The following RYR2 variants were observed in gnomAD, a reference collection of about 807,000 sequenced individuals.
The protein encoded by RYR2 is ryanodine receptor 2.
In RYR2, 227 loss-of-function variants were observed where a neutral mutation model predicts 601.1. The ratio of observed to expected loss-of-function variants is 0.38; its 90% confidence interval spans 0.34 to 0.42. The LOEUF is 0.42. Among genes scored for constraint, RYR2 ranks in the 10% least tolerant of loss-of-function variants. The pLI is 1.00. For synonymous variants in RYR2, 2,223 were observed against 2,175.1 expected (o/e 1.02, Z -0.61); for missense variants, 4,646 against 6,156.5 (o/e 0.75, Z 8.21).
chr1:237,406,210 T>TTCCCTCCCCTCCCC (rs1703880463), intron 10 of RYR2, among the ~76,000 whole-genome samples: 1 of 33,950 alleles, frequency 2.9e-5, no homozygotes, highest in African/African-American at 1.1e-4. Context: ...CTCCCCTCCC[T>TTCCCTCCCCTCCCC]TCCCCTCCCC....
rs1367265441 is a variant in RYR2 at position 237,628,956 on chromosome 1, G to T, written c.6440+876G>T. 3.3e-5 allele frequency among the ~76,000 whole-genome samples: 5 copies of T among 152,024 alleles called. No homozygotes were observed. In the East Asian group the frequency reaches 9.7e-4, roughly 29 times the overall value. Reference sequence around the variant, plus strand: ...ATGAGCTTGCATTTCATGTGGATTTGGGGGTTAAAGTTAACACCCCATATT... The same window carrying T: ...ATGAGCTTGCATTTCATGTGGATTTTGGGGTTAAAGTTAACACCCCATATT... On this transcript the variant is annotated intron_variant, in intron 41 of 104. Transcript: ENST00000366574.
intron 1 of RYR2, among the ~76,000 whole-genome samples, chr1:237,151,611 G>A (rs1258627422): frequency 6.6e-6 from 1 of 152,174 alleles, no homozygotes; most frequent in Non-Finnish European, 1.5e-5. Flanking sequence ...CATCTGCTGG[G>A]TGAGGATATA....
chr1:237,827,957 A>G (rs1481339078), intron 101 of RYR2, among the ~76,000 whole-genome samples: 5 of 144,004 alleles, frequency 3.5e-5, no homozygotes, highest in African/African-American at 1.4e-4. Context: ...AAAAAAAAAA[A>G]AAAAAAAAAG....
rs1402412018 is a variant in RYR2, at chr1:237,756,402, G to A, written c.11245+15G>A. On this transcript the variant is annotated intron_variant, in intron 81 of 104. Coordinates refer to ENST00000366574, the MANE Select transcript of RYR2 (RefSeq NM_001035.3). ...TGCCAGCAAAGGTAAGGTTCCTTGA[G>A]TTCCCCTCACGAGTGTCTGTTCTTC... 3 of 1,560,408 alleles carry A rather than the reference G, an allele frequency of 1.9e-6. No individual in the cohort carries two copies. The highest frequency in any genetic ancestry group is 2.6e-6 in the Non-Finnish European group (3 of 1,134,624).
At chr1:237,091,425 T>TTA (rs1389837810) in intron 1 of RYR2, among the ~76,000 whole-genome samples, 1 of 135,494 alleles carries the variant, frequency 7.4e-6, no homozygotes, top group East Asian at 2.1e-4. Flanking sequence ...TCTTTCTTTT[T>TTA]TTTGGGGGGG....
chr1:237,387,247 C>T (rs755623862), intron 8 of RYR2, 34 bp from the exon 9 acceptor site: 132 of 1,592,164 alleles, frequency 8.3e-5, no homozygotes, highest in Non-Finnish European at 1.1e-4. Flanking sequence ...TTACCAGAGC[C>T]TGAAGTGATG....
At chr1:237,742,455 T>C (rs1199370547) in intron 80 of RYR2, 106 bp downstream of exon 80, 3 of 866,630 alleles carry the variant, frequency 3.5e-6, no homozygotes, top group Non-Finnish European at 5.6e-6. Flanking sequence ...TTGCAGCTTA[T>C]TGTGTCAAGG....
At chr1:237,385,619 A>G (rs1330654836) in intron 8 of RYR2, among the ~76,000 whole-genome samples, 1 of 152,204 alleles carries the variant, frequency 6.6e-6, no homozygotes, top group Non-Finnish European at 1.5e-5. Flanking sequence ...GAGCACGGGT[A>G]TTTTGAATTA....
intron 11 of RYR2, among the ~76,000 whole-genome samples, chr1:237,421,254 GTAATAA>G (rs540154237): frequency 7.3e-5 from 11 of 151,580 alleles, no homozygotes; most frequent in African/African-American, 2.2e-4. Context: ...AAAAATAATA[GTAATAA>G]TAATAATAAT....
At chr1:237,785,405 T>C (rs528000660) in intron 90 of RYR2, among the ~76,000 whole-genome samples, 5 of 152,288 alleles carry the variant, frequency 3.3e-5, no homozygotes, top group Admixed American at 2.0e-4. Context: ...ATTCCATCCA[T>C]GAATATGGCA....
rs12022376 is a variant in RYR2 at position 237,820,537 on chromosome 1, G to A, written c.14590+1345G>A. The stretch of plus-strand genomic sequence containing the variant: ...ATGGTCTTCGCAACCAGCAGACCGG[G>A]ACATTCCCTCCACTGCCTATGCCAC... On this transcript the variant is annotated intron_variant, in intron 101 of 104. Coordinates refer to ENST00000366574, the MANE Select transcript of RYR2 (RefSeq NM_001035.3). Among the ~76,000 whole-genome samples the A allele has an allele frequency of 9.7e-3, 1,476 of 152,266 alleles. 7 individuals are homozygous for A. Among genetic ancestry groups the A allele is most frequent in the East Asian group, 0.043 (223 of 5,176 alleles).
chr1:237,111,483 G>C (rs745874726), intron 1 of RYR2, among the ~76,000 whole-genome samples: 5 of 151,968 alleles, frequency 3.3e-5, no homozygotes, highest in Non-Finnish European at 7.4e-5. Flanking sequence ...AGCTACTCAG[G>C]AGACTGTGGG....
chr1:237,711,119 A>G (rs1688804389), intron 70 of RYR2, among the ~76,000 whole-genome samples: 1 of 152,172 alleles, frequency 6.6e-6, no homozygotes, highest in Non-Finnish European at 1.5e-5. Context: ...GAACAAGAGT[A>G]TTTATCATAA....
At chr1:237,113,264 T>C (rs1438401531) in intron 1 of RYR2, among the ~76,000 whole-genome samples, 1 of 152,106 alleles carries the variant, frequency 6.6e-6, no homozygotes, top group Non-Finnish European at 1.5e-5. Flanking sequence ...AGTGGCATGA[T>C]CTCGGCTCAC....
chr1:237,456,718 C>A lies in RYR2; in HGVS notation c.1595C>A (p.Ser532Tyr), dbSNP rs751116149. 2 of 1,613,456 alleles carry A rather than the reference C, an allele frequency of 1.2e-6. No individual in the cohort carries two copies. Among genetic ancestry groups the A allele is most frequent in the African/African-American group, 1.3e-5 (1 of 74,994 alleles). The change falls in exon 16 of 105, where the codon TCT becomes TAT. Residue 532 changes from serine to tyrosine, a missense_variant. Physicochemically the swap from Ser to Tyr is moderately radical, Grantham distance 144. This residue lies in a region of RYR2 where 1,807 missense variants were observed against 2,088.1 expected (regional missense o/e 0.87). Transcript: ENST00000366574. ...AGESWKSILN[S>Y]LYELLAALIR... is the part of the protein sequence containing the mutation. The stretch of plus-strand genomic sequence containing the variant: ...GAGTCTTGGAAATCCATTCTGAATT[C>A]TCTGTATGAGTTGCTGGGTAAGAAG...
At chr1:237,344,031 C>T (rs1698071563) in intron 3 of RYR2, among the ~76,000 whole-genome samples, 1 of 152,086 alleles carries the variant, frequency 6.6e-6, no homozygotes, top group Non-Finnish European at 1.5e-5. Context: ...CCATGTTGGC[C>T]AGGCTGGTCT....
At chr1:237,211,294 C>T (rs1682545467) in intron 1 of RYR2, among the ~76,000 whole-genome samples, 1 of 152,158 alleles carries the variant, frequency 6.6e-6, no homozygotes, top group African/African-American at 2.4e-5. Flanking sequence ...TTAGATTTGA[C>T]TATATGTGTA....
chr1:237,707,542 G>A (rs1688483953), intron 68 of RYR2, among the ~76,000 whole-genome samples: 1 of 152,088 alleles, frequency 6.6e-6, no homozygotes, highest in Non-Finnish European at 1.5e-5. Flanking sequence ...TGATTTTATA[G>A]CCAGAGACAA....
intron 1 of RYR2, among the ~76,000 whole-genome samples, chr1:237,104,515 G>A (rs1054987091): frequency 6.6e-6 from 1 of 152,110 alleles, no homozygotes; most frequent in African/African-American, 2.4e-5. Flanking sequence ...CAACACCATC[G>A]CTTAAATGTG....
Sources: allele counts gnomAD v4.1 joint callset (sites outside exome capture counted in the v4.1 genomes callset), GRCh38; gene constraint gnomAD v4.1.1; regional missense constraint gnomAD v4.1.1; transcripts MANE v1.5; gene names NCBI Gene and HGNC (gene_info 2026-07-23, HGNC 2026-07-21).